Variants in GLS observed in about 807,000 individuals in gnomAD.
GLS encodes the protein glutaminase kidney isoform, mitochondrial.
A neutral mutation model predicts 86.7 loss-of-function variants in GLS; 36 were observed. The ratio of observed to expected loss-of-function variants is 0.42; its 90% confidence interval spans 0.32 to 0.55. The LOEUF (loss-of-function observed/expected upper bound fraction) is 0.55, where lower values mean the gene tolerates loss of function less well. GLS is among the 20% of genes least tolerant of loss of function. GLS has a pLI of 0.17. For missense variants in GLS, 528 were observed against 833.4 expected (o/e 0.63, Z 4.51); for synonymous variants, 317 against 305.9 (o/e 1.04, Z -0.38).
chr2:190,888,023 C>T (rs1346959064), intron 1 of GLS, among the ~76,000 whole-genome samples: 1 of 152,082 alleles, frequency 6.6e-6, no homozygotes, highest in Admixed American at 6.5e-5. Context: ...TTTATGAGAA[C>T]GAGCATTGTT....
rs1689748389 is a variant in GLS, at chr2:190,921,825, T to C, written c.1130+622T>C. ...GAACGTTAACGTTAATTTTAAAATATCATGACATTAATCAATATGTAAATG... is the reference window on the plus strand; with the variant it reads ...GAACGTTAACGTTAATTTTAAAATACCATGACATTAATCAATATGTAAATG... On this transcript the variant is annotated intron_variant, in intron 9 of 17. Coordinates refer to ENST00000320717, the MANE Select transcript of GLS (RefSeq NM_014905.5). The surrounding 1 kb of genome is among the most constrained non-coding windows in gnomAD (Gnocchi z 4.2). Among the ~76,000 whole-genome samples the C allele has an allele frequency of 6.6e-6, 1 of 152,054 alleles. No homozygotes were observed. The highest frequency in any genetic ancestry group is 1.5e-5 in the Non-Finnish European group (1 of 67,924).
chr2:190,881,517 C>G (rs939066682), intron 1 of GLS, 47 bp downstream of exon 1: 4 of 1,508,024 alleles, frequency 2.7e-6, no homozygotes, highest in African/African-American at 1.4e-5. Context: ...TTTCGGGGCC[C>G]GGGCTCAGGC....
intron 7 of GLS, among the ~76,000 whole-genome samples, chr2:190,915,353 C>T (rs1689494062): frequency 6.6e-6 from 1 of 151,982 alleles, no homozygotes; most frequent in Admixed American, 6.6e-5. Context: ...TCAAACAACC[C>T]ATATGGGTTT....
intron 14 of GLS, chr2:190,934,271 G>C (rs1690199666): frequency 1.0e-6 from 1 of 955,720 alleles, no homozygotes; most frequent in Admixed American, 6.2e-5. Flanking sequence ...AGATACTAGT[G>C]CAAATAAAGA....
intron 17 of GLS, among the ~76,000 whole-genome samples, chr2:190,959,521 G>A (rs896146393): frequency 5.9e-5 from 9 of 152,140 alleles, no homozygotes; most frequent in Non-Finnish European, 1.2e-4. Context: ...AGTGTCAATG[G>A]TCTTTACAAT....
At chr2:190,881,660 A>G (rs1688194883) in intron 1 of GLS, 190 bp downstream of exon 1, 1 of 528,704 alleles carries the variant, frequency 1.9e-6, no homozygotes, top group Non-Finnish European at 3.2e-6. Flanking sequence ...CCCGCCCGCA[A>G]CCCTCCGCCA....
Position 190,881,415 on chromosome 2 carries a change from G to A in GLS, c.331G>A (p.Glu111Lys), listed in dbSNP as rs1574550666. ...AAPGPKDGPG[E>K]TDAFGNSEGK... is the part of the protein sequence containing the mutation. ...GCCCGGCCCCAAGGACGGCCCCGGGGAGACGGACGCGTTTGGCAACAGCGA... is the reference window on the plus strand; with the variant it reads ...GCCCGGCCCCAAGGACGGCCCCGGGAAGACGGACGCGTTTGGCAACAGCGA... The change falls in exon 1 of 18, where the codon GAG becomes AAG. Residue 111 changes from glutamate to lysine, a missense_variant. Physicochemically the swap from Glu to Lys is moderately conservative, Grantham distance 56 (BLOSUM62 1). Transcript: ENST00000320717. The A allele has an allele frequency of 1.9e-6, 3 of 1,545,518 alleles. No homozygotes were observed. Among genetic ancestry groups the A allele is most frequent in the South Asian group, 1.2e-5 (1 of 83,918 alleles).
At chr2:190,948,690 GAC>G (rs1458566972) in intron 14 of GLS, among the ~76,000 whole-genome samples, 3 of 152,184 alleles carry the variant, frequency 2.0e-5, no homozygotes, top group East Asian at 1.9e-4. Flanking sequence ...GGGGAAGTAA[GAC>G]ACACAAATGC....
intron 3 of GLS, among the ~76,000 whole-genome samples, chr2:190,899,778 G>A (rs942191012): frequency 6.6e-6 from 1 of 152,026 alleles, no homozygotes; most frequent in Non-Finnish European, 1.5e-5. Flanking sequence ...ATTCTTTTTA[G>A]CAAAAAGCAG....
chr2:190,944,288 T>C (rs1444522769), intron 14 of GLS, among the ~76,000 whole-genome samples: 1 of 152,174 alleles, frequency 6.6e-6, no homozygotes, highest in East Asian at 1.9e-4. Flanking sequence ...TTTTGGGTTT[T>C]ATGTACTTGT....
chr2:190,918,515 T>TA (rs1689619623), intron 7 of GLS, among the ~76,000 whole-genome samples: 1 of 152,284 alleles, frequency 6.6e-6, no homozygotes, highest in East Asian at 1.9e-4. Flanking sequence ...ATTTTTTTTT[T>TA]ATCTAGACCA....
chr2:190,961,225 G>A (rs1435428457), intron 17 of GLS, among the ~76,000 whole-genome samples: 1 of 152,206 alleles, frequency 6.6e-6, no homozygotes. Context: ...TTGAGATAGA[G>A]TCTTGCTCTG....
intron 9 of GLS, among the ~76,000 whole-genome samples, chr2:190,922,383 A>G (rs1157093608): frequency 6.6e-6 from 1 of 152,140 alleles, no homozygotes; most frequent in Non-Finnish European, 1.5e-5. Context: ...AAACATTTTC[A>G]GGTTGCATGG....
chr2:190,921,804 G>A lies in GLS; in HGVS notation c.1130+601G>A, dbSNP rs555744883. 3.4e-4 allele frequency among the ~76,000 whole-genome samples: 52 copies of A among 151,866 alleles called. No individual in the cohort carries two copies. Among genetic ancestry groups the A allele is most frequent in the Non-Finnish European group, 6.6e-4 (45 of 67,872 alleles). ...CAATACCATTAACACATGTAAGAAC[G>A]TTAACGTTAATTTTAAAATATCATG... On this transcript the variant is annotated intron_variant, in intron 9 of 17. Coordinates refer to ENST00000320717, the MANE Select transcript of GLS (RefSeq NM_014905.5). This position sits in a 1 kb window ranked among gnomAD's most constrained non-coding sequence, Gnocchi z 4.2.
intron 6 of GLS, among the ~76,000 whole-genome samples, chr2:190,907,159 C>T (rs1376165724): frequency 4.0e-5 from 6 of 151,676 alleles, no homozygotes; most frequent in African/African-American, 1.2e-4. Flanking sequence ...CTCCTGACCT[C>T]GTGATCTGCC....
rs1159373620 is a variant in GLS at position 190,947,938 on chromosome 2, TC to T, written c.1651-5624del. Reference sequence around the variant, plus strand: ...CTTTAACAGACCAGGAAGCAGACTGTCCCTAAATGAAATACTCCATCTGTTG... The same window carrying T: ...CTTTAACAGACCAGGAAGCAGACTGTCCTAAATGAAATACTCCATCTGTTG... On this transcript the variant is annotated intron_variant, in intron 14 of 17. Transcript: ENST00000320717. The surrounding 1 kb of genome is among the most constrained non-coding windows in gnomAD (Gnocchi z 5.0). 6.6e-6 allele frequency among the ~76,000 whole-genome samples: 1 copy of T among 152,214 alleles called. No individual in the cohort carries two copies. The highest frequency in any genetic ancestry group is 1.5e-5 in the Non-Finnish European group (1 of 68,038).
intron 7 of GLS, among the ~76,000 whole-genome samples, chr2:190,916,504 T>C (rs1198273592): frequency 1.3e-5 from 2 of 152,200 alleles, no homozygotes; most frequent in Non-Finnish European, 2.9e-5. Flanking sequence ...AGAATTAATA[T>C]GACATGTTAA....
chr2:190,902,205 T>C (rs1241614454), intron 5 of GLS, among the ~76,000 whole-genome samples, 179 bp downstream of exon 5: 1 of 152,166 alleles, frequency 6.6e-6, no homozygotes, highest in Non-Finnish European at 1.5e-5. Context: ...AGTAACATTA[T>C]ATTAAGTTTT....
At chr2:190,910,944 T>C (rs1689338171) in intron 7 of GLS, among the ~76,000 whole-genome samples, 1 of 151,016 alleles carries the variant, frequency 6.6e-6, no homozygotes, top group Non-Finnish European at 1.5e-5. Context: ...TTTTTTTTTT[T>C]TTTAGTGTTT....
Sources: allele counts gnomAD v4.1 joint callset (sites outside exome capture counted in the v4.1 genomes callset), GRCh38; gene constraint gnomAD v4.1.1; non-coding constraint Gnocchi (gnomAD v3.1); transcripts MANE v1.5; gene names NCBI Gene and HGNC (gene_info 2026-07-23, HGNC 2026-07-21).